Variants in TTLL5 observed in about 807,000 individuals in gnomAD.
TTLL5 encodes tubulin tyrosine ligase like 5.
TTLL5 carries 132 observed loss-of-function variants against 168.4 expected under a neutral mutation model. That is an observed-to-expected ratio of 0.78 (90% CI 0.68 to 0.91). TTLL5 has a LOEUF of 0.91. Among genes scored for constraint, TTLL5 ranks in the 40% least tolerant of loss-of-function variants. The probability of loss-of-function intolerance (pLI) is 0.00; values close to 1 mark genes in which losing one functional copy is unlikely to be tolerated. For synonymous variants in TTLL5, 546 were observed against 558.6 expected (o/e 0.98, Z 0.32); for missense variants, 1,545 against 1,581.5 (o/e 0.98, Z 0.39).
chr14:75,733,503 A>G (rs1888682888), intron 13 of TTLL5, among the ~76,000 whole-genome samples: 1 of 151,886 alleles, frequency 6.6e-6, no homozygotes, highest in Non-Finnish European at 1.5e-5. Flanking sequence ...AAGCCTAAGA[A>G]ATTTGTTTTA....
At chr14:75,754,497 G>A (rs1254581920) in intron 18 of TTLL5, among the ~76,000 whole-genome samples, 1 of 152,144 alleles carries the variant, frequency 6.6e-6, no homozygotes, top group Non-Finnish European at 1.5e-5. Flanking sequence ...CTGCACTTGA[G>A]GCTGGATCTT....
intron 2 of TTLL5, among the ~76,000 whole-genome samples, chr14:75,667,917 C>T (rs1682600154): frequency 1.3e-5 from 2 of 151,956 alleles, no homozygotes; most frequent in South Asian, 4.1e-4. Context: ...CGGGCCACCA[C>T]ACCCAGCTAA....
At chr14:75,675,281 T>C (rs1884053666) in intron 3 of TTLL5, among the ~76,000 whole-genome samples, 1 of 152,252 alleles carries the variant, frequency 6.6e-6, no homozygotes, top group Non-Finnish European at 1.5e-5. Flanking sequence ...TTAAAGGAGT[T>C]ATTTTTGTGT....
In TTLL5 at chr14:75,772,823, A is replaced by G. The variant is rs554338062; in HGVS notation, c.2136+969A>G. 7.9e-5 allele frequency among the ~76,000 whole-genome samples: 12 copies of G among 152,102 alleles called. No individual in the cohort carries two copies. The East Asian group carries it at 2.3e-3, about 29-fold the overall frequency. On this transcript the variant is annotated intron_variant, in intron 21 of 31. Coordinates refer to ENST00000298832, the MANE Select transcript of TTLL5 (RefSeq NM_015072.5). The stretch of plus-strand genomic sequence containing the variant: ...GCTGTGATTACAGGCACCCACCACC[A>G]AGCCTAGCTAATTTTGTATTTTAAG...
At chr14:75,741,370 A>T (rs1889255867) in intron 15 of TTLL5, among the ~76,000 whole-genome samples, 1 of 152,164 alleles carries the variant, frequency 6.6e-6, no homozygotes, top group African/African-American at 2.4e-5. Flanking sequence ...TCCTTAGTGC[A>T]TTCAGTCAAC....
intron 28 of TTLL5, among the ~76,000 whole-genome samples, chr14:75,861,994 C>T (rs1156670674): frequency 6.6e-6 from 1 of 152,234 alleles, no homozygotes. Context: ...TCTGTACTCA[C>T]TGAAAAATGA....
At chr14:75,850,439 A>C (rs1896787226) in intron 28 of TTLL5, among the ~76,000 whole-genome samples, 1 of 143,040 alleles carries the variant, frequency 7.0e-6, no homozygotes, top group African/African-American at 2.6e-5. Flanking sequence ...TTGGTAACTA[A>C]ATGTGCAGCT....
At chr14:75,883,683 T>G (rs541473982) in intron 30 of TTLL5, among the ~76,000 whole-genome samples, 1 of 152,392 alleles carries the variant, frequency 6.6e-6, no homozygotes, top group African/African-American at 2.4e-5. Context: ...TGGATTTAGA[T>G]AGAAAACAAT....
chr14:75,779,644 G>A lies in TTLL5; in HGVS notation c.2457G>A (p.Gly819=), dbSNP rs759018960. 63 of 1,613,600 alleles carry A rather than the reference G, an allele frequency of 3.9e-5. No homozygotes were observed. The highest frequency in any genetic ancestry group is 5.2e-5 in the Non-Finnish European group (61 of 1,179,858). ...QKNKSASVFL[G]THSKISKNNN... is the part of the protein sequence containing the mutation. ...ACAAGTCTGCTAGTGTCTTCCTGGG[G>A]ACTCACTCTAAAATTTCTAAGAACA... is the stretch of plus-strand genomic sequence containing the variant. The change falls in exon 24 of 32, where the codon GGG becomes GGA. Residue 819 remains glycine, a synonymous_variant. Transcript: ENST00000298832.
intron 30 of TTLL5, among the ~76,000 whole-genome samples, chr14:75,899,948 T>C (rs1395910565): frequency 1.3e-5 from 2 of 151,968 alleles, no homozygotes; most frequent in African/African-American, 2.4e-5. Context: ...CTTTTTTTTT[T>C]TTTTTTTTTA....
chr14:75,925,954 G>A lies in TTLL5; in HGVS notation c.3823+23730G>A, dbSNP rs920376716. On this transcript the variant is annotated intron_variant, in intron 31 of 31. Coordinates refer to ENST00000298832, the MANE Select transcript of TTLL5 (RefSeq NM_015072.5). ...AATCGCAGGCACTTGGCAGGCTGAG[G>A]CAGGAGAATCAGGCAGGGAGGTTGC... Among the ~76,000 whole-genome samples, 9 of 151,818 alleles carry A rather than the reference G, an allele frequency of 5.9e-5. No individual in the cohort carries two copies. The East Asian group carries it at 1.7e-3, about 29-fold the overall frequency.
rs970830385 is a variant in TTLL5, at chr14:75,888,982, C to T, written c.3740+6080C>T. ...ATGGAGAAGATTCAGAGGCTTCTAA[C>T]CTCTGGAATGAGTTTAAGCAAGAAA... On this transcript the variant is annotated intron_variant, in intron 30 of 31. Coordinates refer to ENST00000298832, the MANE Select transcript of TTLL5 (RefSeq NM_015072.5). Among the ~76,000 whole-genome samples, 9 of 149,408 alleles carry T rather than the reference C, an allele frequency of 6.0e-5. No individual in the cohort carries two copies. The East Asian group carries it at 1.6e-3, about 26-fold the overall frequency.
At chr14:75,773,957 A>AAGAGAGAGAG (rs1166420551) in intron 21 of TTLL5, among the ~76,000 whole-genome samples, 2 of 43,382 alleles carry the variant, frequency 4.6e-5, no homozygotes, top group African/African-American at 1.6e-4. Context: ...GAGAGAGAGA[A>AAGAGAGAGAG]AGAGAGAGAG....
At chr14:75,788,938 T>G (rs1189784163) in intron 26 of TTLL5, among the ~76,000 whole-genome samples, 1 of 152,158 alleles carries the variant, frequency 6.6e-6, no homozygotes, top group Non-Finnish European at 1.5e-5. Flanking sequence ...TAAGAGGGGT[T>G]TAACATTAGT....
chr14:75,891,931 A>G (rs961950587), intron 30 of TTLL5, among the ~76,000 whole-genome samples: 2 of 152,162 alleles, frequency 1.3e-5, no homozygotes, highest in Non-Finnish European at 2.9e-5. Flanking sequence ...CCTGACATAT[A>G]TTGCATCCAA....
intron 31 of TTLL5, among the ~76,000 whole-genome samples, chr14:75,932,021 A>T (rs574113563): frequency 3.3e-5 from 5 of 152,238 alleles, no homozygotes; most frequent in Non-Finnish European, 7.3e-5. Context: ...TCAATACATA[A>T]ATATGGGATA....
At chr14:75,945,096 C>A (rs1200587202) in intron 31 of TTLL5, among the ~76,000 whole-genome samples, 2 of 151,754 alleles carry the variant, frequency 1.3e-5, no homozygotes, top group Non-Finnish European at 2.9e-5. Context: ...AACCCCAAGT[C>A]AGAAGGTCAA....
Position 75,873,074 on chromosome 14 carries a change from C to CT in TTLL5, c.3522+9229dup, listed in dbSNP as rs71119401. On this transcript the variant is annotated intron_variant, in intron 29 of 31. Coordinates refer to ENST00000298832, the MANE Select transcript of TTLL5 (RefSeq NM_015072.5). ...CATACTGTACCACAGATCTCCAGAA[C>CT]TTTTTTTTTTTTTTTTTGAGACGGA... Among the ~76,000 whole-genome samples, 227 of 110,338 alleles carry CT rather than the reference C, an allele frequency of 2.1e-3. 8 individuals carry two copies. The highest frequency in any genetic ancestry group is 6.7e-3 in the African/African-American group (193 of 28,910). 72.4% of individuals were successfully genotyped at this position (110,338 alleles called of 152,430 possible).
At chr14:75,858,233 A>G (rs1379885790) in intron 28 of TTLL5, among the ~76,000 whole-genome samples, 1 of 152,212 alleles carries the variant, frequency 6.6e-6, no homozygotes, top group East Asian at 1.9e-4. Context: ...CCGATGGTAC[A>G]AAAACGATGG....
Sources: allele counts gnomAD v4.1 joint callset (sites outside exome capture counted in the v4.1 genomes callset), GRCh38; gene constraint gnomAD v4.1.1; transcripts MANE v1.5; gene names NCBI Gene and HGNC (gene_info 2026-07-23, HGNC 2026-07-21).